The following RANBP17 variants were observed in gnomAD, a reference collection of about 807,000 sequenced individuals.
The protein encoded by RANBP17 is RAN binding protein 17, also known as ran-binding protein 17.
In RANBP17, 158 loss-of-function variants were observed where a neutral mutation model predicts 141.2. That is an observed-to-expected ratio of 1.12 (90% confidence interval 0.98 to 1.28). RANBP17 has a LOEUF of 1.28. Ranked by LOEUF, RANBP17 falls within the 50% of genes most tolerant of loss-of-function variation. The pLI, the probability that RANBP17 is intolerant of heterozygous loss-of-function variation, is 0.00. For missense variants in RANBP17, 1,438 were observed against 1,290.7 expected (o/e 1.11, Z -1.75); for synonymous variants, 430 against 450.0 (o/e 0.96, Z 0.56).
chr5:171,090,204 A>T lies in RANBP17; in HGVS notation c.1711-79926A>T, dbSNP rs371231745. On this transcript the variant is annotated intron_variant, in intron 14 of 27. Transcript: ENST00000523189. ...GGCTTTGACCAAAATGCTGATAATG[A>T]TATGGACAGTGAAATCCAGGCTGAG... 9.2e-5 allele frequency among the ~76,000 whole-genome samples: 14 copies of T among 152,304 alleles called. No individual in the cohort carries two copies. The East Asian group carries it at 2.5e-3, about 27-fold the overall frequency.
intron 14 of RANBP17, among the ~76,000 whole-genome samples, chr5:171,033,957 A>G (rs146253151): frequency 3.5e-4 from 54 of 152,246 alleles, no homozygotes; most frequent in African/African-American, 1.3e-3. Context: ...AAATAAAAAT[A>G]AAATAAGAGC....
At chr5:171,203,516 A>G (rs905030243) in intron 19 of RANBP17, among the ~76,000 whole-genome samples, 18 of 152,174 alleles carry the variant, frequency 1.2e-4, no homozygotes, top group African/African-American at 4.3e-4. Context: ...GAATTCATTT[A>G]AAACATTATT....
intron 14 of RANBP17, among the ~76,000 whole-genome samples, chr5:171,141,078 C>T (rs1757657278): frequency 6.6e-6 from 1 of 152,160 alleles, no homozygotes; most frequent in Non-Finnish European, 1.5e-5. Context: ...TTCCTCACAA[C>T]ATTCATTTAA....
chr5:170,991,227 C>T (rs577591028), intron 14 of RANBP17, among the ~76,000 whole-genome samples: 4 of 151,970 alleles, frequency 2.6e-5, no homozygotes, highest in African/African-American at 9.6e-5. Context: ...AGAATTATTT[C>T]ACCATGCATC....
At chr5:171,200,685 C>CA (rs948705314) in intron 19 of RANBP17, among the ~76,000 whole-genome samples, 3 of 150,614 alleles carry the variant, frequency 2.0e-5, no homozygotes, top group Admixed American at 6.6e-5. Flanking sequence ...GTCTCTTCAC[C>CA]AAAAAAAAGA....
chr5:171,024,251 C>A lies in RANBP17; in HGVS notation c.1710+55874C>A, dbSNP rs144058936. ...ATAGAGTAATGGGGGAAAGAGTATA[C>A]TTTAAATAGGAAAAACATGAAATTG... On this transcript the variant is annotated intron_variant, in intron 14 of 27. Coordinates refer to ENST00000523189, the MANE Select transcript of RANBP17 (RefSeq NM_022897.5). 6.1e-4 allele frequency among the ~76,000 whole-genome samples: 93 copies of A among 152,124 alleles called. 2 individuals carry two copies. Among genetic ancestry groups the A allele is most frequent in the African/African-American group, 2.2e-3 (90 of 41,504 alleles).
intron 22 of RANBP17, among the ~76,000 whole-genome samples, chr5:171,238,473 A>G (rs937830257): frequency 6.6e-6 from 1 of 152,104 alleles, no homozygotes; most frequent in Non-Finnish European, 1.5e-5. Flanking sequence ...ATCTGTTGCT[A>G]CAGAATATAG....
At chr5:171,088,671 C>CTT (rs779350795) in intron 14 of RANBP17, among the ~76,000 whole-genome samples, 2 of 150,772 alleles carry the variant, frequency 1.3e-5, no homozygotes, top group Admixed American at 6.6e-5. Context: ...TCTTTTTATT[C>CTT]TTTTTTCTCT....
Position 171,187,294 on chromosome 5 carries a change from A to G in RANBP17, c.2038+3864A>G, listed in dbSNP as rs140878521. Among the ~76,000 whole-genome samples, 58 of 152,316 alleles carry G rather than the reference A, an allele frequency of 3.8e-4. 1 individual carries two copies. The highest frequency in any genetic ancestry group is 6.5e-4 in the Admixed American group (10 of 15,300). ...ATAACATCAAAGGGCACAGATTACC[A>G]TAACAGATATAATAATAATGAAAAA... On this transcript the variant is annotated intron_variant, in intron 18 of 27. Coordinates refer to ENST00000523189, the MANE Select transcript of RANBP17 (RefSeq NM_022897.5).
chr5:171,245,830 T>C (rs1765177798), intron 24 of RANBP17, among the ~76,000 whole-genome samples: 1 of 152,108 alleles, frequency 6.6e-6, no homozygotes, highest in African/African-American at 2.4e-5. Flanking sequence ...ATTTGGCCTA[T>C]TGCTTTTCAG....
chr5:171,057,029 A>G lies in RANBP17; in HGVS notation c.1710+88652A>G, dbSNP rs1383161866. Among the ~76,000 whole-genome samples, 10 of 152,288 alleles carry G rather than the reference A, an allele frequency of 6.6e-5. No individual in the cohort carries two copies. In the South Asian group the frequency reaches 1.9e-3, roughly 28 times the overall value. ...AGTGCACTATTGATGTCAAACCTTA[A>G]CAAAACCCTATAGACAAATCCATCT... is the stretch of plus-strand genomic sequence containing the variant. On this transcript the variant is annotated intron_variant, in intron 14 of 27. Transcript: ENST00000523189.
chr5:171,103,908 T>C (rs1333184479), intron 14 of RANBP17, among the ~76,000 whole-genome samples: 1 of 152,184 alleles, frequency 6.6e-6, no homozygotes, highest in Admixed American at 6.5e-5. Flanking sequence ...CCACCCTTCT[T>C]CGGCTCGCCC....
At chr5:170,984,709 A>G (rs1379911172) in intron 14 of RANBP17, among the ~76,000 whole-genome samples, 1 of 152,122 alleles carries the variant, frequency 6.6e-6, no homozygotes. Flanking sequence ...ATAATTTAAA[A>G]CGTTAAAACT....
intron 14 of RANBP17, among the ~76,000 whole-genome samples, chr5:171,047,356 G>GT (rs1561589492): frequency 2.7e-5 from 4 of 149,348 alleles, no homozygotes; most frequent in African/African-American, 7.4e-5. Context: ...ATGTTGAACG[G>GT]TTTTTTTTTC....
intron 3 of RANBP17, among the ~76,000 whole-genome samples, chr5:170,888,654 C>T (rs1334343266): frequency 1.3e-5 from 2 of 152,118 alleles, no homozygotes; most frequent in Non-Finnish European, 2.9e-5. Flanking sequence ...TGAGCAAAGA[C>T]ACTTTTAGTT....
At chr5:170,982,725 A>C (rs1198162708) in intron 14 of RANBP17, among the ~76,000 whole-genome samples, 1 of 152,172 alleles carries the variant, frequency 6.6e-6, no homozygotes, top group Non-Finnish European at 1.5e-5. Context: ...TCCATACTGA[A>C]AAGGACTATG....
intron 14 of RANBP17, among the ~76,000 whole-genome samples, chr5:171,023,960 G>A (rs1781061662): frequency 6.6e-6 from 1 of 152,182 alleles, no homozygotes; most frequent in Admixed American, 6.5e-5. Context: ...AATCAAGAGA[G>A]TAAATCTGGA....
chr5:171,000,997 C>T (rs1453859380), intron 14 of RANBP17, among the ~76,000 whole-genome samples: 2 of 152,226 alleles, frequency 1.3e-5, no homozygotes, highest in Admixed American at 1.3e-4. Flanking sequence ...GTGCAGGTCA[C>T]GGGATATGAT....
chr5:170,983,506 C>T (rs1777913678), intron 14 of RANBP17, among the ~76,000 whole-genome samples: 1 of 151,988 alleles, frequency 6.6e-6, no homozygotes, highest in South Asian at 2.1e-4. Flanking sequence ...GTTAGGGAGT[C>T]AAAAGATAAT....
Sources: allele counts gnomAD v4.1 joint callset (sites outside exome capture counted in the v4.1 genomes callset), GRCh38; gene constraint gnomAD v4.1.1; transcripts MANE v1.5; gene names NCBI Gene and HGNC (gene_info 2026-07-23, HGNC 2026-07-21).